The following FOLH1 variants were observed in gnomAD, a reference collection of about 807,000 sequenced individuals.
FOLH1 encodes folate hydrolase 1.
A neutral mutation model predicts 93.9 loss-of-function variants in FOLH1; 54 were observed. The ratio of observed to expected loss-of-function variants is 0.57; its 90% CI spans 0.46 to 0.72. FOLH1 has a LOEUF of 0.72. Among genes scored for constraint, FOLH1 ranks in the 30% least tolerant of loss-of-function variants. The pLI is 0.00. For synonymous variants in FOLH1, 249 were observed against 303.6 expected, an observed-to-expected ratio of 0.82 and a Z score of 1.87; for missense variants, 571 against 892.5, an observed-to-expected ratio of 0.64 and a Z score of 4.59.
intron 1 of FOLH1, chr11:49,206,781 G>T: frequency 6.5e-7 from 1 of 1,535,926 alleles, no homozygotes; most frequent in Non-Finnish European, 8.7e-7. Context: ...AATTTACCCA[G>T]CCTCTCTGCC....
chr11:49,159,633 G>A (rs1162090988), intron 13 of FOLH1, among the ~76,000 whole-genome samples: 1 of 152,160 alleles, frequency 6.6e-6, no homozygotes, highest in African/African-American at 2.4e-5. Context: ...TTGGGATGAT[G>A]CTGGCCTCAT....
At position 49,186,701 on chromosome 11, in the gene FOLH1, G is replaced by T. The variant is rs1485083490; in HGVS notation, c.582C>A (p.Ile194=). 5.6e-6 allele frequency: 9 copies of T among 1,613,268 alleles called. No homozygotes were observed. The highest frequency in any genetic ancestry group is 7.6e-6 in the Non-Finnish European group (9 of 1,179,608). ...CAATTACAATTTTCCCAGAGCAATTGATTTTCATGTCCCGTTCCAATTTAA... is the reference window on the plus strand; with the variant it reads ...CAATTACAATTTTCCCAGAGCAATTTATTTTCATGTCCCGTTCCAATTTAA... ...DFFKLERDMK[I]NCSGKIVIAR... Residue 194 remains isoleucine (I), a synonymous_variant, in exon 5 of 19, where the codon ATC becomes ATA. Coordinates refer to ENST00000256999, the MANE Select transcript of FOLH1 (RefSeq NM_004476.3).
chr11:49,181,079 A>G (rs1321890589), intron 7 of FOLH1, among the ~76,000 whole-genome samples: 5 of 151,836 alleles, frequency 3.3e-5, no homozygotes, highest in Admixed American at 6.6e-5. Context: ...TTTTGTAATT[A>G]CAAAGATAAT....
intron 7 of FOLH1, among the ~76,000 whole-genome samples, chr11:49,182,182 A>G (rs1228613534): frequency 6.6e-6 from 1 of 151,922 alleles, no homozygotes; most frequent in East Asian, 1.9e-4. Context: ...TACAAAAATC[A>G]GCCGGGCATA....
At chr11:49,186,385 T>C (rs1452546957) in intron 5 of FOLH1, among the ~76,000 whole-genome samples, 1 of 152,204 alleles carries the variant, frequency 6.6e-6, no homozygotes, top group East Asian at 1.9e-4. Context: ...TGCTTCTTTG[T>C]AGGCCACAGC....
intron 11 of FOLH1, among the ~76,000 whole-genome samples, chr11:49,170,701 G>C (rs1399475387): frequency 6.6e-6 from 1 of 152,164 alleles, no homozygotes; most frequent in Non-Finnish European, 1.5e-5. Flanking sequence ...TCATGGTCAG[G>C]AAATAGAGAC....
At chr11:49,174,710 C>T (rs542263064) in intron 9 of FOLH1, among the ~76,000 whole-genome samples, 182 bp downstream of exon 9, 1 of 152,266 alleles carries the variant, frequency 6.6e-6, no homozygotes, top group Non-Finnish European at 1.5e-5. Context: ...TTATTCACCA[C>T]CTGTACCACA....
chr11:49,185,354 A>T (rs930341507), intron 6 of FOLH1, among the ~76,000 whole-genome samples: 5 of 152,140 alleles, frequency 3.3e-5, no homozygotes, highest in African/African-American at 1.2e-4. Context: ...TGCAACAAAA[A>T]TATTTATATA....
chr11:49,177,370 A>G (rs1406100536), intron 7 of FOLH1, among the ~76,000 whole-genome samples: 1 of 152,162 alleles, frequency 6.6e-6, no homozygotes, highest in African/African-American at 2.4e-5. Context: ...CACAATACAT[A>G]GCCAAAACAG....
intron 12 of FOLH1, among the ~76,000 whole-genome samples, chr11:49,167,873 CAAACAAAAAACAGAAAAAGAACAGAA>C (rs1858612792): frequency 1.3e-5 from 2 of 149,136 alleles, no homozygotes; most frequent in African/African-American, 4.9e-5. Flanking sequence ...AAAAAACAAA[CAAACAAAAAACAGAAAAAGAACAGAA>C]ACAAAAAAAC....
At chr11:49,205,498 A>T (rs1272019000) in intron 2 of FOLH1, among the ~76,000 whole-genome samples, 4 of 152,168 alleles carry the variant, frequency 2.6e-5, no homozygotes, top group African/African-American at 9.7e-5. Flanking sequence ...CATCCAAAGT[A>T]TTAATAGGCA....
chr11:49,159,556 C>T (rs925521776), intron 13 of FOLH1, among the ~76,000 whole-genome samples: 2 of 152,144 alleles, frequency 1.3e-5, no homozygotes, highest in African/African-American at 4.8e-5. Flanking sequence ...AGGATTTTTG[C>T]ATCATTGTTC....
chr11:49,207,570 A>T (rs774769986), intron 1 of FOLH1, among the ~76,000 whole-genome samples: 1 of 152,134 alleles, frequency 6.6e-6, no homozygotes, highest in Non-Finnish European at 1.5e-5. Flanking sequence ...AGAAGAAATA[A>T]AGTGGCGAAA....
chr11:49,156,895 A>G (rs1302877953), intron 14 of FOLH1, 88 bp from the exon 15 acceptor site: 16 of 1,575,406 alleles, frequency 1.0e-5, no homozygotes, highest in African/African-American at 4.1e-5. Context: ...CCCCATTCTT[A>G]CTATTATAAA....
intron 12 of FOLH1, 30 bp downstream of exon 12, chr11:49,169,165 A>T: frequency 6.2e-7 from 1 of 1,607,050 alleles, no homozygotes; most frequent in Non-Finnish European, 8.5e-7. Context: ...GTTTAATCAC[A>T]TCTTTTCTTA....
chr11:49,153,224 T>A (rs1651250360), intron 17 of FOLH1, among the ~76,000 whole-genome samples: 2 of 151,738 alleles, frequency 1.3e-5, no homozygotes, highest in Admixed American at 1.3e-4. Context: ...GTGTTGTACT[T>A]GTGTAATCTT....
At chr11:49,160,824 G>A (rs1258621296) in intron 13 of FOLH1, among the ~76,000 whole-genome samples, 1 of 152,052 alleles carries the variant, frequency 6.6e-6, no homozygotes, top group Admixed American at 6.5e-5. Context: ...CAGAGATTCT[G>A]GTGTGTCATA....
chr11:49,177,053 T>A (rs1415145952), intron 7 of FOLH1, among the ~76,000 whole-genome samples: 1 of 152,218 alleles, frequency 6.6e-6, no homozygotes, highest in Non-Finnish European at 1.5e-5. Flanking sequence ...CGGGTGCTTG[T>A]TCCCTGTCTA....
chr11:49,173,404 G>C lies in FOLH1; in HGVS notation c.1178C>G (p.Ala393Gly), dbSNP rs1192487793. The C allele has an allele frequency of 1.9e-6, 3 of 1,611,662 alleles. No individual in the cohort carries two copies. The highest frequency in any genetic ancestry group is 2.7e-5 in the African/African-American group (2 of 74,720). Residue 393 changes from alanine (A) to glycine (G), a missense_variant, in exon 10 of 19, where the codon GCT becomes GGT. Around this residue, in one of 2 missense-constraint regions of FOLH1, gnomAD observed 500 missense variants for 822.9 expected, o/e 0.61. Coordinates refer to ENST00000256999, the MANE Select transcript of FOLH1 (RefSeq NM_004476.3). Reference sequence around the variant, plus strand: ...GCTCCTCACAATTTCATGAACAACAGCTGCTCCACTCTGAGGGTCAATACC... The same window carrying C: ...GCTCCTCACAATTTCATGAACAACACCTGCTCCACTCTGAGGGTCAATACC... ...FGGIDPQSGAAVVHEIVRSFG... is the reference protein window; with the variant it reads ...FGGIDPQSGAGVVHEIVRSFG...
Sources: gnomAD v4.1 joint callset for allele counts (sites outside exome capture counted in the v4.1 genomes callset) on GRCh38, gnomAD v4.1.1 for gene constraint, gnomAD v4.1.1 regional missense constraint, MANE v1.5 for transcripts, NCBI Gene and HGNC (gene_info 2026-07-23, HGNC 2026-07-21) for gene names.